The following LIFR variants were observed in gnomAD, a reference collection of about 807,000 sequenced individuals.
The protein encoded by LIFR is leukemia inhibitory factor receptor.
A neutral mutation model predicts 122.2 loss-of-function variants in LIFR; 84 were observed. That is an observed-to-expected ratio of 0.69 (90% CI 0.58 to 0.82). The LOEUF is 0.82. LIFR is among the 40% of genes least tolerant of loss of function. The pLI is 0.00. For missense variants in LIFR, 1,294 were observed against 1,311.6 expected (o/e 0.99, Z 0.21); for synonymous variants, 422 against 434.7 (o/e 0.97, Z 0.36).
At chr5:38,494,273 T>C (rs1374587705) in intron 13 of LIFR, among the ~76,000 whole-genome samples, 1 of 152,098 alleles carries the variant, frequency 6.6e-6, no homozygotes, top group East Asian at 1.9e-4. Flanking sequence ...ACTAGCCCCC[T>C]CTTTCTTTCA....
chr5:38,543,973 A>G (rs2112620629), intron 1 of LIFR, among the ~76,000 whole-genome samples: 1 of 152,102 alleles, frequency 6.6e-6, no homozygotes, highest in East Asian at 1.9e-4. Context: ...CACCCTCTCA[A>G]AATATAGCTA....
intron 13 of LIFR, among the ~76,000 whole-genome samples, chr5:38,494,845 C>T (rs1230653121): frequency 6.6e-6 from 1 of 152,026 alleles, no homozygotes; most frequent in African/African-American, 2.4e-5. Context: ...CTACAGAGAG[C>T]GTTCAGTAAA....
At chr5:38,542,009 T>C (rs1369821732) in intron 1 of LIFR, among the ~76,000 whole-genome samples, 1 of 152,224 alleles carries the variant, frequency 6.6e-6, no homozygotes, top group Non-Finnish European at 1.5e-5. Context: ...ATGTCTAAAA[T>C]CGTGTCCTCC....
chr5:38,598,245 A>ATTTTTTTTTTTT (rs1396004381), upstream of LIFR, among the ~76,000 whole-genome samples: 4 of 46,792 alleles, frequency 8.5e-5, no homozygotes, highest in Non-Finnish European at 1.1e-4. Flanking sequence ...TTATTTATTT[A>ATTTTTTTTTTTT]TTTTTTTTTT....
At position 38,476,084 on chromosome 5, in the gene LIFR, A is replaced by G. The variant is rs1743708320; in HGVS notation, c.*5511T>C. 5 of 198,348 alleles carry G rather than the reference A, an allele frequency of 2.5e-5. No homozygotes were observed. Among genetic ancestry groups the G allele is most frequent in the African/African-American group, 1.2e-4 (5 of 43,452 alleles). 12.3% of individuals were successfully genotyped at this position (198,348 alleles called of 1,614,324 possible). A position where few individuals can be genotyped will look rare whatever the true frequency, so the allele number is the denominator to read the frequency against. The stretch of plus-strand genomic sequence containing the variant: ...TCACAATGTTATTCATATTTTTCCT[A>G]AATATTGTGTTGGAAGGAAAAATTA... On this transcript the variant is annotated 3_prime_UTR_variant, in exon 20 of 20. Coordinates refer to ENST00000453190, the MANE Select transcript of LIFR (RefSeq NM_001127671.2).
rs1204805760 is a variant in LIFR at position 38,496,397 on chromosome 5, T to C, written c.1870A>G (p.Met624Val). ...GSSPPSKIAS[M>V]EIPNDDLKIE... ...AAGCACTCACCATTTGGAATTTCCATACTCGCTATTTTGGAAGGTGGTGAT... is the reference window on the plus strand; with the variant it reads ...AAGCACTCACCATTTGGAATTTCCACACTCGCTATTTTGGAAGGTGGTGAT... The change falls in exon 13 of 20, where the codon ATG becomes GTG. Residue 624 changes from methionine to valine, a missense_variant. Met to Val is a conservative substitution (Grantham distance 21, BLOSUM62 1). Coordinates refer to ENST00000453190, the MANE Select transcript of LIFR (RefSeq NM_001127671.2). The C allele has an allele frequency of 2.5e-6, 4 of 1,612,772 alleles. No individual in the cohort carries two copies. The East Asian group carries it at 8.9e-5, about 36-fold the overall frequency.
chr5:38,476,242 CA>C lies in LIFR; in HGVS notation c.*5352del. The stretch of plus-strand genomic sequence containing the variant: ...CAGTGTTCTTTTCTATGAGCAATTG[CA>C]AAAACACTAATACTAATGTTAAACC... On this transcript the variant is annotated 3_prime_UTR_variant, in exon 20 of 20. Coordinates refer to ENST00000453190, the MANE Select transcript of LIFR (RefSeq NM_001127671.2). 1.4e-5 allele frequency: 3 copies of C among 207,482 alleles called. No individual in the cohort carries two copies. Among genetic ancestry groups the C allele is most frequent in the Non-Finnish European group, 2.9e-5 (3 of 101,824 alleles). The allele number at this position is 207,482 out of a possible 1,614,324, so 12.9% of individuals were successfully genotyped here.
intron 4 of LIFR, among the ~76,000 whole-genome samples, chr5:38,524,125 G>C (rs1746548517): frequency 6.6e-6 from 1 of 152,142 alleles, no homozygotes; most frequent in African/African-American, 2.4e-5. Flanking sequence ...AATATAGAAA[G>C]CTTCCTTTGG....
At chr5:38,608,189 A>T (rs1450179720) in exon 1 of LIFR, 3 of 152,182 alleles carry the variant, frequency 2.0e-5, no homozygotes, top group Non-Finnish European at 2.9e-5. Context: ...GGCTTCTGTC[A>T]GCTCCATTTA....
chr5:38,575,677 AAC>A (rs1319235701), intron 1 of LIFR, among the ~76,000 whole-genome samples: 1 of 152,154 alleles, frequency 6.6e-6, no homozygotes, highest in Non-Finnish European at 1.5e-5. Context: ...CAAATTAACA[AAC>A]ACACATTACA....
chr5:38,537,416 CAT>C (rs1747349866), intron 1 of LIFR, among the ~76,000 whole-genome samples: 1 of 152,196 alleles, frequency 6.6e-6, no homozygotes, highest in Admixed American at 6.5e-5. Flanking sequence ...TCTGACTACT[CAT>C]ATCCCACTTC....
rs1745748368 is a variant in LIFR, at chr5:38,510,630, T to C, written c.825A>G (p.Glu275=). ...GGCCAATCAGTGCTGATAACACTTT[T>C]TCTTGACTCACACAACAAAATGTTA... ...SDITFCCVSQ[E]KVLSALIGHT... The change falls in exon 7 of 20, where the codon GAA becomes GAG. Residue 275 remains glutamate (E), a synonymous_variant. Transcript: ENST00000453190. 1 of 1,614,078 alleles carries C rather than the reference T, an allele frequency of 6.2e-7. No individual in the cohort carries two copies. The highest frequency in any genetic ancestry group is 8.5e-7 in the Non-Finnish European group (1 of 1,179,978).
chr5:38,547,137 G>T (rs896116224), intron 1 of LIFR, among the ~76,000 whole-genome samples: 4 of 152,170 alleles, frequency 2.6e-5, no homozygotes, highest in African/African-American at 9.6e-5. Flanking sequence ...ATGGTATGGG[G>T]TAGAACAATG....
intron 7 of LIFR, among the ~76,000 whole-genome samples, chr5:38,508,112 A>C (rs1048491567): frequency 2.0e-5 from 3 of 152,198 alleles, no homozygotes; most frequent in Non-Finnish European, 4.4e-5. Flanking sequence ...CAAATAAGAG[A>C]TAAATAGAAG....
chr5:38,543,312 T>C (rs1163765792), intron 1 of LIFR, among the ~76,000 whole-genome samples: 5 of 152,180 alleles, frequency 3.3e-5, no homozygotes, highest in Non-Finnish European at 7.4e-5. Flanking sequence ...AGAGGTTTGG[T>C]ATTTTTCACA....
At chr5:38,545,126 C>A (rs773577332) in intron 1 of LIFR, among the ~76,000 whole-genome samples, 14 of 152,048 alleles carry the variant, frequency 9.2e-5, no homozygotes, top group Non-Finnish European at 1.9e-4. Context: ...ACAAATTAGC[C>A]GGGCGTGGTG....
At chr5:38,522,937 T>C (rs1746479341) in intron 5 of LIFR, among the ~76,000 whole-genome samples, 1 of 152,060 alleles carries the variant, frequency 6.6e-6, no homozygotes, top group South Asian at 2.1e-4. Flanking sequence ...CATTACTCCT[T>C]AGAGGCCATT....
chr5:38,571,508 T>C (rs1283103987), intron 1 of LIFR, among the ~76,000 whole-genome samples: 1 of 137,312 alleles, frequency 7.3e-6, no homozygotes, highest in Admixed American at 7.9e-5. Context: ...TGAGCCAAGA[T>C]TGTGCCACTG....
chr5:38,518,636 A>G (rs1267897334), intron 5 of LIFR, among the ~76,000 whole-genome samples: 1 of 152,248 alleles, frequency 6.6e-6, no homozygotes, highest in Non-Finnish European at 1.5e-5. Flanking sequence ...TGCTCTGTAC[A>G]TAATACTTGA....
Sources: gnomAD v4.1 joint callset for allele counts (sites outside exome capture counted in the v4.1 genomes callset) on GRCh38, gnomAD v4.1.1 for gene constraint, MANE v1.5 for transcripts, NCBI Gene and HGNC (gene_info 2026-07-23, HGNC 2026-07-21) for gene names.